BNC2: variants seen among roughly 807,000 people sequenced by gnomAD.
BNC2 encodes the protein zinc finger protein basonuclin-2.
A neutral mutation model predicts 76.3 loss-of-function variants in BNC2; 20 were observed. The observed-to-expected ratio is 0.26, with a 90% CI of 0.18 to 0.38. The LOEUF (loss-of-function observed/expected upper bound fraction) is 0.38. Among genes scored for constraint, BNC2 ranks in the 10% least tolerant of loss-of-function variants. The pLI is 1.00. For missense variants in BNC2, 1,382 were observed against 1,399.8 expected, an observed-to-expected ratio of 0.99 and a Z score of 0.20; for synonymous variants, 582 against 514.8, an observed-to-expected ratio of 1.13 and a Z score of -1.77.
chr9:16,457,600 G>A (rs1053829608), intron 5 of BNC2, among the ~76,000 whole-genome samples: 2 of 152,192 alleles, frequency 1.3e-5, no homozygotes, highest in Non-Finnish European at 2.9e-5. Flanking sequence ...AAGCTCATTT[G>A]CAACTCAGTG....
At chr9:16,838,989 A>G (rs1054042647) in intron 1 of BNC2, among the ~76,000 whole-genome samples, 2 of 152,212 alleles carry the variant, frequency 1.3e-5, no homozygotes, top group Non-Finnish European at 2.9e-5. Context: ...AACACACGTG[A>G]AAGAAAACTA....
intron 3 of BNC2, among the ~76,000 whole-genome samples, chr9:16,709,362 T>C (rs1174864716): frequency 6.6e-6 from 1 of 152,234 alleles, no homozygotes; most frequent in African/African-American, 2.4e-5. Flanking sequence ...ATTTACTTTA[T>C]GGAAACTTAC....
rs569985222 is a variant in BNC2, at chr9:16,803,831, G to A, written c.4-65346C>T. On this transcript the variant is annotated intron_variant, in intron 1 of 6. Transcript: ENST00000380672. ...TGCTCTTTGCAAATGTCATGTGTCC[G>A]CTTATCAGCACTCTAAGGAGTGCGA... Among the ~76,000 whole-genome samples the A allele has an allele frequency of 3.3e-3, 495 of 152,290 alleles. 5 individuals carry two copies. The highest frequency in any genetic ancestry group is 3.5e-3 in the Admixed American group (54 of 15,292).
intron 3 of BNC2, among the ~76,000 whole-genome samples, chr9:16,626,632 C>T (rs1352317374): frequency 6.6e-6 from 1 of 152,110 alleles, no homozygotes; most frequent in East Asian, 1.9e-4. Flanking sequence ...CTCTGGGGTG[C>T]TGGCCCTCAT....
chr9:16,627,923 G>A lies in BNC2; in HGVS notation c.331-44838C>T, dbSNP rs1796677613. On this transcript the variant is annotated intron_variant, in intron 3 of 6. Transcript: ENST00000380672. Reference sequence around the variant, plus strand: ...CACTTATGACTGAATGACCTCAACTGAGGAATAAAAAATTAAGTCATTTGT... The same window carrying A: ...CACTTATGACTGAATGACCTCAACTAAGGAATAAAAAATTAAGTCATTTGT... Among the ~76,000 whole-genome samples the A allele has an allele frequency of 2.0e-5, 3 of 152,138 alleles. 1 individual carries two copies. In the South Asian group the frequency reaches 6.2e-4, roughly 31 times the overall value.
At chr9:16,738,868 C>T (rs1398905931) in intron 1 of BNC2, among the ~76,000 whole-genome samples, 2 of 124,682 alleles carry the variant, frequency 1.6e-5, no homozygotes, top group African/African-American at 3.0e-5. Flanking sequence ...GTATAAGAAG[C>T]TGTGGAGAAC....
intron 1 of BNC2, among the ~76,000 whole-genome samples, chr9:16,779,752 C>T (rs552767593): frequency 4.6e-5 from 7 of 152,196 alleles, no homozygotes; most frequent in Admixed American, 4.6e-4. Context: ...AGTATAATTC[C>T]ATTTGTATGA....
At chr9:16,508,999 T>C (rs1368172276) in intron 5 of BNC2, among the ~76,000 whole-genome samples, 1 of 152,008 alleles carries the variant, frequency 6.6e-6, no homozygotes, top group East Asian at 1.9e-4. Flanking sequence ...TTTTTAATTA[T>C]TATTATTTTT....
intron 3 of BNC2, among the ~76,000 whole-genome samples, chr9:16,625,464 T>A (rs1173979246): frequency 6.6e-6 from 1 of 152,154 alleles, no homozygotes; most frequent in Non-Finnish European, 1.5e-5. Context: ...TCTTTTTCAG[T>A]CTTGCTACTC....
At chr9:16,833,559 T>G (rs1014291594) in intron 1 of BNC2, among the ~76,000 whole-genome samples, 2 of 152,180 alleles carry the variant, frequency 1.3e-5, no homozygotes, top group Admixed American at 1.3e-4. Context: ...AGCAATTTTT[T>G]TTTCTCTCTG....
intron 1 of BNC2, among the ~76,000 whole-genome samples, chr9:16,770,544 C>CATTT (rs1825806015): frequency 6.6e-6 from 1 of 152,078 alleles, no homozygotes; most frequent in South Asian, 2.1e-4. Flanking sequence ...GGAGTTTACC[C>CATTT]ACAATGACCA....
At chr9:16,808,441 T>G (rs1424842972) in intron 1 of BNC2, among the ~76,000 whole-genome samples, 1 of 148,566 alleles carries the variant, frequency 6.7e-6, no homozygotes, top group Non-Finnish European at 1.5e-5. Flanking sequence ...GCCCCAGGCC[T>G]GAATCTATCA....
intron 1 of BNC2, among the ~76,000 whole-genome samples, chr9:16,805,713 G>GCACACA (rs57325819): frequency 0.12 from 17,598 of 149,136 alleles, 1,413 homozygotes; most frequent in East Asian, 0.31. Context: ...TTGCATACAT[G>GCACACA]CACACACACA....
rs533538563 is a variant in BNC2, at chr9:16,800,299, T to A, written c.4-61814A>T. Reference sequence around the variant, plus strand: ...CAGGTGGATGGAAAAACAGTCTTATTTCCTTCTCAAAATTACACTTCTAGA... The same window carrying A: ...CAGGTGGATGGAAAAACAGTCTTATATCCTTCTCAAAATTACACTTCTAGA... On this transcript the variant is annotated intron_variant, in intron 1 of 6. Coordinates refer to ENST00000380672, the MANE Select transcript of BNC2 (RefSeq NM_017637.6). Among the ~76,000 whole-genome samples, 84 of 152,106 alleles carry A rather than the reference T, an allele frequency of 5.5e-4. 2 individuals are homozygous for A. Among genetic ancestry groups the A allele is most frequent in the Admixed American group, 3.9e-3 (60 of 15,276 alleles).
At chr9:16,604,190 G>A (rs777359860) in intron 3 of BNC2, among the ~76,000 whole-genome samples, 4 of 152,026 alleles carry the variant, frequency 2.6e-5, no homozygotes, top group Non-Finnish European at 5.9e-5. Flanking sequence ...CCAATACAAA[G>A]CAAACATCTG....
intron 6 of BNC2, 85 bp downstream of exon 6, chr9:16,435,470 G>A (rs1820987851): frequency 6.7e-7 from 1 of 1,486,642 alleles, no homozygotes; most frequent in Non-Finnish European, 9.4e-7. Context: ...CATCTAAGTT[G>A]GATTTCTTTT....
At chr9:16,825,617 G>C (rs907559463) in intron 1 of BNC2, among the ~76,000 whole-genome samples, 1 of 151,978 alleles carries the variant, frequency 6.6e-6, no homozygotes, top group Non-Finnish European at 1.5e-5. Flanking sequence ...TCTTCCTGGG[G>C]AGGAGGAGGA....
intron 5 of BNC2, among the ~76,000 whole-genome samples, chr9:16,529,255 T>C (rs1387544427): frequency 6.6e-6 from 1 of 152,178 alleles, no homozygotes; most frequent in African/African-American, 2.4e-5. Flanking sequence ...ACATGGATAT[T>C]TTGAGTGGAA....
At chr9:16,860,097 G>T (rs1819360637) in intron 1 of BNC2, among the ~76,000 whole-genome samples, 1 of 151,876 alleles carries the variant, frequency 6.6e-6, no homozygotes. Flanking sequence ...ACTCCAGCAT[G>T]GACGACAGAG....
Sources: gnomAD v4.1 joint callset for allele counts (sites outside exome capture counted in the v4.1 genomes callset) on GRCh38, gnomAD v4.1.1 for gene constraint, MANE v1.5 for transcripts, NCBI Gene and HGNC (gene_info 2026-07-23, HGNC 2026-07-21) for gene names.